ANGPT1: variants seen among roughly 807,000 people sequenced by gnomAD.
ANGPT1 encodes angiopoietin 1, also known as angiopoietin-1.
In ANGPT1, 17 loss-of-function variants were observed where a neutral mutation model predicts 62.2. That is an observed-to-expected ratio of 0.27 (90% CI 0.19 to 0.41). ANGPT1 has a LOEUF of 0.41. Among genes scored for constraint, ANGPT1 ranks in the 10% least tolerant of loss-of-function variants. The pLI is 1.00. For missense variants in ANGPT1, 478 were observed against 594.9 expected, an observed-to-expected ratio of 0.80 and a Z score of 2.04; for synonymous variants, 199 against 198.9, an observed-to-expected ratio of 1.00 and a Z score of 0.00.
rs766955365 is a variant in ANGPT1, at chr8:107,322,020, A to G, written c.684T>C (p.Tyr228=). Residue 228 remains tyrosine, a synonymous_variant, in exon 4 of 9, where the codon TAT becomes TAC. Transcript: ENST00000517746. ...ATTGCTTTTCCAGCTCCTGGATTAT[A>G]TATGTTTGACGAGTAACCAAGCCTT... ...NLQGLVTRQT[Y]IIQELEKQLN... 1.1e-5 allele frequency: 17 copies of G among 1,613,976 alleles called. No individual in the cohort carries two copies. Among genetic ancestry groups the G allele is most frequent in the Admixed American group, 1.7e-5 (1 of 60,004 alleles).
At chr8:107,349,122 T>TAGATAGATAGA (rs1554584812) in intron 1 of ANGPT1, among the ~76,000 whole-genome samples, 2 of 143,802 alleles carry the variant, frequency 1.4e-5, no homozygotes, top group South Asian at 2.3e-4. Flanking sequence ...GATAAGGAGA[T>TAGATAGATAGA]TAGATAGATA....
chr8:107,364,644 G>T (rs1292410985), intron 1 of ANGPT1, among the ~76,000 whole-genome samples: 1 of 152,278 alleles, frequency 6.6e-6, no homozygotes, highest in Non-Finnish European at 1.5e-5. Flanking sequence ...TCACACCAGA[G>T]AATCCATTCT....
At chr8:107,423,584 G>A (rs1586310052) in intron 1 of ANGPT1, among the ~76,000 whole-genome samples, 2 of 151,910 alleles carry the variant, frequency 1.3e-5, no homozygotes, top group Non-Finnish European at 2.9e-5. Context: ...AACACCCCCC[G>A]ACTCCTCCTC....
chr8:107,454,856 A>G (rs1305785379), intron 1 of ANGPT1, among the ~76,000 whole-genome samples: 1 of 152,072 alleles, frequency 6.6e-6, no homozygotes, highest in African/African-American at 2.4e-5. Context: ...GTATGCTCTT[A>G]TTGAGAAGGC....
intron 1 of ANGPT1, among the ~76,000 whole-genome samples, chr8:107,418,373 A>G (rs1810808906): frequency 6.6e-6 from 1 of 152,194 alleles, no homozygotes; most frequent in South Asian, 2.1e-4. Context: ...TGTTGAAAAA[A>G]GTTGAGAAAA....
intron 5 of ANGPT1, 136 bp downstream of exon 5, chr8:107,303,104 G>T: frequency 3.1e-6 from 3 of 957,436 alleles, no homozygotes; most frequent in Non-Finnish European, 4.7e-6. Context: ...CTGGGAAACA[G>T]AGTATCTCTG....
chr8:107,403,761 A>G (rs1817092385), intron 1 of ANGPT1, among the ~76,000 whole-genome samples: 1 of 152,126 alleles, frequency 6.6e-6, no homozygotes, highest in African/African-American at 2.4e-5. Context: ...AAACAATTTA[A>G]TTCAAAGGGA....
chr8:107,482,232 T>C (rs1391672831), intron 1 of ANGPT1, among the ~76,000 whole-genome samples: 5 of 152,252 alleles, frequency 3.3e-5, no homozygotes, highest in African/African-American at 4.8e-5. Flanking sequence ...TATTTGATTA[T>C]GTTCATTGGG....
intron 1 of ANGPT1, among the ~76,000 whole-genome samples, chr8:107,401,831 C>T (rs1312278823): frequency 6.6e-6 from 1 of 152,098 alleles, no homozygotes; most frequent in African/African-American, 2.4e-5. Flanking sequence ...GATTCTATTT[C>T]TCTAAAAAAA....
chr8:107,274,401 A>C (rs986680366), intron 7 of ANGPT1, among the ~76,000 whole-genome samples: 3 of 152,164 alleles, frequency 2.0e-5, no homozygotes, highest in Admixed American at 2.0e-4. Flanking sequence ...AAAGTTATGT[A>C]GGTAAAAGCA....
intron 1 of ANGPT1, among the ~76,000 whole-genome samples, chr8:107,352,517 C>T (rs920845924): frequency 1.3e-5 from 2 of 152,088 alleles, no homozygotes; most frequent in Non-Finnish European, 2.9e-5. Context: ...TCTCAAAACC[C>T]TTGCGGGCTT....
intron 5 of ANGPT1, among the ~76,000 whole-genome samples, chr8:107,295,779 T>C (rs1439604131): frequency 6.6e-6 from 1 of 152,152 alleles, no homozygotes; most frequent in Non-Finnish European, 1.5e-5. Context: ...CGAGATGATC[T>C]AGACCAAGGA....
rs1450129751 is a variant in ANGPT1 at position 107,317,581 on chromosome 8, G to T, written c.808+4315C>A. On this transcript the variant is annotated intron_variant, in intron 4 of 8. Transcript: ENST00000517746. Reference sequence around the variant, plus strand: ...GCCACGTGTATGCTCAACATGAGATGACATTTTAATCACCAGTGTACATAG... The same window carrying T: ...GCCACGTGTATGCTCAACATGAGATTACATTTTAATCACCAGTGTACATAG... Among the ~76,000 whole-genome samples the T allele has an allele frequency of 2.0e-5, 3 of 150,942 alleles. No individual in the cohort carries two copies. The East Asian group carries it at 5.8e-4, about 29-fold the overall frequency.
chr8:107,396,906 G>A (rs1261805391), intron 1 of ANGPT1, among the ~76,000 whole-genome samples: 1 of 151,980 alleles, frequency 6.6e-6, no homozygotes, highest in Non-Finnish European at 1.5e-5. Flanking sequence ...AAAGTAGGTA[G>A]AAGCTGTTGA....
chr8:107,297,083 T>C (rs1814433810), intron 5 of ANGPT1, among the ~76,000 whole-genome samples: 1 of 152,142 alleles, frequency 6.6e-6, no homozygotes, highest in East Asian at 1.9e-4. Context: ...GACTTGTAAA[T>C]GTTCAGATGT....
chr8:107,383,632 C>T (rs896168536), intron 1 of ANGPT1, among the ~76,000 whole-genome samples: 7 of 152,092 alleles, frequency 4.6e-5, no homozygotes, highest in Non-Finnish European at 7.4e-5. Context: ...CCATAGAAAT[C>T]TTGAAAATTT....
At chr8:107,459,028 A>G (rs1157768242) in intron 1 of ANGPT1, among the ~76,000 whole-genome samples, 1 of 152,098 alleles carries the variant, frequency 6.6e-6, no homozygotes, top group African/African-American at 2.4e-5. Context: ...ATCGTCCCGC[A>G]ACTTTCTATT....
intron 1 of ANGPT1, among the ~76,000 whole-genome samples, chr8:107,493,073 C>T (rs1028179361): frequency 6.6e-6 from 1 of 150,510 alleles, no homozygotes; most frequent in African/African-American, 2.5e-5. Context: ...CCTTAATTTT[C>T]ACTATTTTAT....
intron 8 of ANGPT1, among the ~76,000 whole-genome samples, chr8:107,255,189 G>A (rs1813330208): frequency 6.6e-6 from 1 of 152,148 alleles, no homozygotes; most frequent in Non-Finnish European, 1.5e-5. Context: ...CACAGAGGCA[G>A]TAGGTGCTAA....
Sources: allele counts gnomAD v4.1 joint callset (sites outside exome capture counted in the v4.1 genomes callset), GRCh38; gene constraint gnomAD v4.1.1; transcripts MANE v1.5; gene names NCBI Gene and HGNC (gene_info 2026-07-23, HGNC 2026-07-21).